Variants in CEACAM20 observed in about 807,000 individuals in gnomAD.
CEACAM20 encodes CEA cell adhesion molecule 20, also known as cell adhesion molecule CEACAM20.
CEACAM20 carries 50 observed loss-of-function variants against 61.2 expected under a neutral mutation model. That is an observed-to-expected ratio of 0.82 (90% CI 0.65 to 1.03). The LOEUF is 1.03. Ranked by LOEUF, CEACAM20 falls within the 50% of genes least tolerant of loss-of-function variation. CEACAM20 has a pLI of 0.00. For synonymous variants in CEACAM20, 282 were observed against 287.7 expected, an observed-to-expected ratio of 0.98 and a Z score of 0.20; for missense variants, 683 against 736.4, an observed-to-expected ratio of 0.93 and a Z score of 0.84.
At chr19:44,515,747 T>G (rs1264689295) in intron 6 of CEACAM20, among the ~76,000 whole-genome samples, 21 of 152,126 alleles carry the variant, frequency 1.4e-4, no homozygotes, top group Non-Finnish European at 8.8e-5. Context: ...GACGATCACT[T>G]GAGCCCAGGA....
intron 6 of CEACAM20, 43 bp from the exon 7 acceptor site, chr19:44,513,332 T>A (rs990649905): frequency 1.5e-6 from 2 of 1,322,538 alleles, no homozygotes; most frequent in East Asian, 4.6e-5. Context: ...TGACACACCC[T>A]CATCCCTGCT....
At position 44,520,832 on chromosome 19, in the gene CEACAM20, C is replaced by T. The variant is rs1311832149; in HGVS notation, c.752-80G>A. 3 of 1,407,740 alleles carry T rather than the reference C, an allele frequency of 2.1e-6. No homozygotes were observed. In the African/African-American group the frequency reaches 5.1e-5, roughly 24 times the overall value. The allele number at this position is 1,407,740 out of a possible 1,614,324, so 87.2% of individuals were successfully genotyped here. On this transcript the variant is annotated intron_variant, in intron 4 of 11. Coordinates refer to ENST00000614924, the MANE Select transcript of CEACAM20 (RefSeq NM_001102597.3). ...GCCCTTGTGGGGCCCACAAGTTTTT[C>T]CAGGAGTGCGTGCGTGTGTGTGTGT...
chr19:44,522,920 G>T lies in CEACAM20; in HGVS notation c.473-8C>A. ...CAACAGGATCAGGACCATCTGAGAGGACAGGAACAATTACAGCAGTAACAA... is the reference window on the plus strand; with the variant it reads ...CAACAGGATCAGGACCATCTGAGAGTACAGGAACAATTACAGCAGTAACAA... On this transcript the variant is annotated splice_region_variant and splice_polypyrimidine_tract_variant and intron_variant, in intron 3 of 11. Coordinates refer to ENST00000614924, the MANE Select transcript of CEACAM20 (RefSeq NM_001102597.3). 1 of 1,594,634 alleles carries T rather than the reference G, an allele frequency of 6.3e-7. No individual in the cohort carries two copies. The highest frequency in any genetic ancestry group is 8.5e-7 in the Non-Finnish European group (1 of 1,170,576).
At chr19:44,526,641 C>T (rs531880512) in intron 1 of CEACAM20, among the ~76,000 whole-genome samples, 4 of 152,082 alleles carry the variant, frequency 2.6e-5, no homozygotes, top group South Asian at 2.1e-4. Flanking sequence ...CTTTGGAAGG[C>T]GGAGGTGGGT....
rs1599667857 is a variant in CEACAM20 at position 44,513,070 on chromosome 19, G to A, written c.1427+102C>T. The A allele has an allele frequency of 5.4e-6, 7 of 1,303,892 alleles. No individual in the cohort carries two copies. The East Asian group carries it at 7.4e-5, about 14-fold the overall frequency. 80.8% of individuals were successfully genotyped at this position (1,303,892 alleles called of 1,614,324 possible). A position where few individuals can be genotyped will look rare whatever the true frequency, so the allele number is the denominator to read the frequency against. On this transcript the variant is annotated intron_variant, in intron 7 of 11. Coordinates refer to ENST00000614924, the MANE Select transcript of CEACAM20 (RefSeq NM_001102597.3). ...GCCCACAACCCTCTGAATTCCCCAGGTGCCAGACAAGACTCAGCACCATGG... is the reference window on the plus strand; with the variant it reads ...GCCCACAACCCTCTGAATTCCCCAGATGCCAGACAAGACTCAGCACCATGG...
intron 1 of CEACAM20, among the ~76,000 whole-genome samples, chr19:44,528,598 T>C (rs1319734925): frequency 6.6e-6 from 1 of 152,044 alleles, no homozygotes; most frequent in Non-Finnish European, 1.5e-5. Context: ...CTCCCTGTAT[T>C]TCTCTCTCTT....
intron 7 of CEACAM20, 35 bp downstream of exon 7, chr19:44,513,131 ACATCCC>A: frequency 6.6e-7 from 1 of 1,518,288 alleles, no homozygotes; most frequent in Non-Finnish European, 9.1e-7. Context: ...CCTGCTGGCC[ACATCCC>A]CATCCCCATC....
chr19:44,511,719 G>T (rs1302690797), intron 9 of CEACAM20, 47 bp from the exon 10 acceptor site: 1 of 1,591,196 alleles, frequency 6.3e-7, no homozygotes, highest in East Asian at 2.2e-5. Context: ...TTGGAATAGG[G>T]GCTACCCCAA....
At chr19:44,512,983 G>A (rs1275932149) in intron 7 of CEACAM20, 30 bp from the exon 8 acceptor site, 9 of 1,572,522 alleles carry the variant, frequency 5.7e-6, no homozygotes, top group Non-Finnish European at 7.8e-6. Flanking sequence ...ATTATTCTGT[G>A]CCTCTAGTCC....
At chr19:44,513,991 T>G (rs894876472) in intron 6 of CEACAM20, among the ~76,000 whole-genome samples, 5 of 152,274 alleles carry the variant, frequency 3.3e-5, no homozygotes, top group Admixed American at 3.3e-4. Flanking sequence ...GATGACAATG[T>G]CAGTTAGGAT....
At chr19:44,515,218 AATGATGATGATGATG>A (rs59294881) in intron 6 of CEACAM20, among the ~76,000 whole-genome samples, 40 of 149,106 alleles carry the variant, frequency 2.7e-4, no homozygotes, top group African/African-American at 7.7e-4. Flanking sequence ...ATGCTTGACA[AATGATGATGATGATG>A]ATGATGATGA....
At chr19:44,510,760 T>C (rs377669307) in intron 11 of CEACAM20, among the ~76,000 whole-genome samples, 3 of 151,630 alleles carry the variant, frequency 2.0e-5, no homozygotes, top group Non-Finnish European at 4.4e-5. Context: ...TGAAGTGATA[T>C]AGAAATACAG....
intron 1 of CEACAM20, among the ~76,000 whole-genome samples, chr19:44,527,270 T>G (rs1971557540): frequency 7.5e-6 from 1 of 133,686 alleles, no homozygotes; most frequent in Non-Finnish European, 1.6e-5. Context: ...GCCACCATGA[T>G]GGCAACGATG....
At chr19:44,506,760 A>T (rs1425550647) in intron 11 of CEACAM20, among the ~76,000 whole-genome samples, 1 of 152,246 alleles carries the variant, frequency 6.6e-6, no homozygotes, top group African/African-American at 2.4e-5. Flanking sequence ...AAGTGGATCC[A>T]TCCCCAGCTG....
rs761016856 is a variant in CEACAM20 at position 44,517,101 on chromosome 19, T to C, written c.1154A>G (p.Tyr385Cys). ...GGTGGAGTGTTCAAGAGTCCAGCGA[T>C]ACTCAGCACCTGGCTTGGACTCGGC... The part of the protein sequence containing the change: ...CWAESKPGAE[Y>C]RWTLEHSTGE... The change falls in exon 6 of 12, where the codon TAT becomes TGT. Residue 385 changes from tyrosine (Y) to cysteine (C), a missense_variant. Physicochemically the swap from Tyr to Cys is radical, Grantham distance 194. Coordinates refer to ENST00000614924, the MANE Select transcript of CEACAM20 (RefSeq NM_001102597.3). 12 of 1,612,426 alleles carry C rather than the reference T, an allele frequency of 7.4e-6. No homozygotes were observed. The highest frequency in any genetic ancestry group is 4.5e-5 in the East Asian group (2 of 44,870).
At chr19:44,510,505 C>T (rs552689552) in intron 11 of CEACAM20, among the ~76,000 whole-genome samples, 2 of 130,796 alleles carry the variant, frequency 1.5e-5, no homozygotes, top group South Asian at 2.6e-4. Context: ...GGAGCAAGAC[C>T]CTGTCTCAAA....
rs141373577 is a variant in CEACAM20 at position 44,521,974 on chromosome 19, C to T, written c.751+660G>A. 3.0e-4 allele frequency among the ~76,000 whole-genome samples: 46 copies of T among 152,220 alleles called. No individual in the cohort carries two copies. In the South Asian group the frequency reaches 4.1e-3, roughly 14 times the overall value. ...AACCCCTAGAGAGCCACCAGGGTCT[C>T]GTGCAGGATGTGCCAAGCCAGGCAA... is the stretch of plus-strand genomic sequence containing the variant. On this transcript the variant is annotated intron_variant, in intron 4 of 11. Transcript: ENST00000614924.
intron 8 of CEACAM20, 120 bp downstream of exon 8, chr19:44,512,748 G>A (rs967237188): frequency 1.3e-6 from 1 of 747,370 alleles, no homozygotes; most frequent in African/African-American, 1.8e-5. Context: ...GAGGCTCAGA[G>A]TGGACAGGGC....
At chr19:44,523,946 A>G (rs1033725326) in intron 3 of CEACAM20, 40 bp downstream of exon 3, 2 of 1,523,210 alleles carry the variant, frequency 1.3e-6, no homozygotes, top group African/African-American at 2.8e-5. Flanking sequence ...TAAGCAAGTG[A>G]GTGTCAGTGA....
Sources: allele counts gnomAD v4.1 joint callset (sites outside exome capture counted in the v4.1 genomes callset), GRCh38; gene constraint gnomAD v4.1.1; transcripts MANE v1.5; gene names NCBI Gene and HGNC (gene_info 2026-07-23, HGNC 2026-07-21).